CSMD1: variants seen among roughly 807,000 people sequenced by gnomAD.
CSMD1 encodes CUB and sushi domain-containing protein 1.
A neutral mutation model predicts 417.5 loss-of-function variants in CSMD1; 213 were observed. That is an observed-to-expected ratio of 0.51 (90% CI 0.46 to 0.57). The LOEUF (loss-of-function observed/expected upper bound fraction) is 0.57, where lower values mean the gene tolerates loss of function less well. Among genes scored for constraint, CSMD1 ranks in the 20% least tolerant of loss-of-function variants. CSMD1 has a pLI of 0.00. For synonymous variants in CSMD1, 2,862 were observed against 1,736.8 expected (o/e 1.65, Z -16.11); for missense variants, 6,923 against 4,529.7 (o/e 1.53, Z -15.17).
At chr8:4,032,623 A>C (rs1187036502) in intron 3 of CSMD1, among the ~76,000 whole-genome samples, 1 of 152,200 alleles carries the variant, frequency 6.6e-6, no homozygotes, top group South Asian at 2.1e-4. Context: ...TAAATAATAA[A>C]TTAGAAATCT....
intron 2 of CSMD1, among the ~76,000 whole-genome samples, chr8:4,474,970 T>C (rs1024751940): frequency 2.6e-5 from 4 of 152,238 alleles, no homozygotes; most frequent in African/African-American, 9.6e-5. Context: ...CCTGGTCAAC[T>C]ACAGGCTGTT....
At chr8:3,383,840 G>A (rs1810794331) in intron 18 of CSMD1, among the ~76,000 whole-genome samples, 1 of 152,114 alleles carries the variant, frequency 6.6e-6, no homozygotes, top group Admixed American at 6.6e-5. Context: ...TCAGCAAACA[G>A]TAGAATGAAA....
At chr8:3,333,008 G>C (rs187617803) in intron 23 of CSMD1, among the ~76,000 whole-genome samples, 1 of 152,174 alleles carries the variant, frequency 6.6e-6, no homozygotes, top group African/African-American at 2.4e-5. Context: ...CCTCCATGAG[G>C]TGAGGGCTCC....
chr8:3,461,785 G>T (rs998240065), intron 12 of CSMD1, among the ~76,000 whole-genome samples: 1 of 152,198 alleles, frequency 6.6e-6, no homozygotes, highest in African/African-American at 2.4e-5. Flanking sequence ...TATCCATGGG[G>T]ACTCTCTTAC....
At chr8:3,536,662 C>T in intron 10 of CSMD1, among the ~76,000 whole-genome samples, 1 of 152,090 alleles carries the variant, frequency 6.6e-6, no homozygotes, top group East Asian at 1.9e-4. Context: ...TGGCAGTGGT[C>T]AGAAGTGTAG....
At position 3,353,481 on chromosome 8, in the gene CSMD1, C is replaced by T. The variant is rs945937525; in HGVS notation, c.3305-5320G>A. On this transcript the variant is annotated intron_variant, in intron 21 of 69. Coordinates refer to ENST00000635120, the MANE Select transcript of CSMD1 (RefSeq NM_033225.6). ...CAGGTGGCCTCCTAGTACACAAAAA[C>T]AGATACAACATGATATTCAAATGAA... Among the ~76,000 whole-genome samples, 5 of 152,248 alleles carry T rather than the reference C, an allele frequency of 3.3e-5. No individual in the cohort carries two copies. The South Asian group carries it at 1.0e-3, about 32-fold the overall frequency.
At chr8:3,208,196 A>G (rs533206363) in intron 30 of CSMD1, among the ~76,000 whole-genome samples, 1 of 152,320 alleles carries the variant, frequency 6.6e-6, no homozygotes, top group South Asian at 2.1e-4. Context: ...ATTTTAGACA[A>G]GAAGTATAAA....
intron 20 of CSMD1, among the ~76,000 whole-genome samples, chr8:3,362,596 T>C (rs543043781): frequency 6.6e-6 from 1 of 152,336 alleles, no homozygotes; most frequent in East Asian, 1.9e-4. Context: ...AGTATTTCTT[T>C]TTCTTTAATA....
chr8:3,908,673 A>G (rs4875258), intron 5 of CSMD1, among the ~76,000 whole-genome samples: 78,616 of 152,028 alleles, frequency 0.52, 23,753 homozygotes, highest in South Asian at 0.67. Context: ...CTACTCCAAT[A>G]ACATGAAACA....
intron 1 of CSMD1, among the ~76,000 whole-genome samples, chr8:4,927,849 G>T (rs542854651): frequency 7.2e-4 from 110 of 152,242 alleles, no homozygotes; most frequent in Non-Finnish European, 1.1e-3. Flanking sequence ...CTGCCTTCAA[G>T]ATATACCCAG....
At chr8:3,810,801 G>C (rs938702392) in intron 5 of CSMD1, among the ~76,000 whole-genome samples, 2 of 152,062 alleles carry the variant, frequency 1.3e-5, no homozygotes, top group Admixed American at 1.3e-4. Flanking sequence ...ACATCATCAG[G>C]CTGACCTCAC....
intron 1 of CSMD1, among the ~76,000 whole-genome samples, chr8:4,938,229 G>C (rs1807753063): frequency 1.3e-5 from 2 of 152,202 alleles, no homozygotes; most frequent in Middle Eastern, 3.4e-3. Context: ...GGAGTGACTG[G>C]TACACTAGAA....
At chr8:4,454,812 T>C (rs1799371199) in intron 2 of CSMD1, among the ~76,000 whole-genome samples, 1 of 152,222 alleles carries the variant, frequency 6.6e-6, no homozygotes, top group African/African-American at 2.4e-5. Context: ...GTGAAAATTA[T>C]CTCAACCATA....
chr8:3,047,825 G>A (rs1458312003), intron 50 of CSMD1, among the ~76,000 whole-genome samples: 1 of 152,234 alleles, frequency 6.6e-6, no homozygotes, highest in African/African-American at 2.4e-5. Flanking sequence ...ACACTTGAGT[G>A]TGTCTAATTC....
chr8:4,423,794 T>C (rs1000061013), intron 2 of CSMD1, among the ~76,000 whole-genome samples: 1 of 151,872 alleles, frequency 6.6e-6, no homozygotes, highest in Non-Finnish European at 1.5e-5. Context: ...GGAGAAACAG[T>C]TCACCTGATT....
At position 3,052,666 on chromosome 8, in the gene CSMD1, A is replaced by C. The variant is rs749610894; in HGVS notation, c.7475-19T>G. 2 of 1,541,420 alleles carry C rather than the reference A, an allele frequency of 1.3e-6. No homozygotes were observed. The highest frequency in any genetic ancestry group is 4.7e-5 in the East Asian group (2 of 42,414). On this transcript the variant is annotated intron_variant, in intron 49 of 69. Coordinates refer to ENST00000635120, the MANE Select transcript of CSMD1 (RefSeq NM_033225.6). ...GACACAGCTGAAAAGAAATGAAACA[A>C]ATGTAGGCTTATTCTTACAGAAATT...
chr8:4,313,424 A>G (rs1798741808), intron 3 of CSMD1, among the ~76,000 whole-genome samples: 2 of 150,190 alleles, frequency 1.3e-5, no homozygotes, highest in Non-Finnish European at 2.9e-5. Flanking sequence ...GCCTGACGGG[A>G]CCCCTGTGAC....
chr8:4,867,006 C>A (rs1157754280), intron 1 of CSMD1, among the ~76,000 whole-genome samples: 1 of 151,940 alleles, frequency 6.6e-6, no homozygotes, highest in African/African-American at 2.4e-5. Flanking sequence ...TATTACTACT[C>A]AATTCTCGGC....
In CSMD1 at chr8:3,726,390, A is replaced by G. The variant is rs1339465384; in HGVS notation, c.932-17899T>C. Among the ~76,000 whole-genome samples the G allele has an allele frequency of 7.2e-5, 11 of 152,330 alleles. No individual in the cohort carries two copies. In the East Asian group the frequency reaches 1.7e-3, roughly 24 times the overall value. On this transcript the variant is annotated intron_variant, in intron 6 of 69. Transcript: ENST00000635120. ...ATCCACCACCATCTTTCAGGCTATA[A>G]TATAAGTCTCTATAATTAGAAAGGA... is the stretch of plus-strand genomic sequence containing the variant.
Sources: allele counts gnomAD v4.1 joint callset (sites outside exome capture counted in the v4.1 genomes callset), GRCh38; gene constraint gnomAD v4.1.1; transcripts MANE v1.5; gene names NCBI Gene and HGNC (gene_info 2026-07-23, HGNC 2026-07-21).